GREM2: variants seen among roughly 807,000 people sequenced by gnomAD.
GREM2 encodes gremlin-2.
A neutral mutation model predicts 14.2 loss-of-function variants in GREM2; 11 were observed. The ratio of observed to expected loss-of-function variants is 0.78; its 90% CI spans 0.49 to 1.28. The LOEUF is 1.28. GREM2 is among the 50% of genes most tolerant of loss of function. The pLI is 0.00. For synonymous variants in GREM2, 98 were observed against 97.6 expected (o/e 1.00, Z -0.02); for missense variants, 210 against 218.5 (o/e 0.96, Z 0.24).
rs1474783174 is a variant in GREM2 at position 240,542,584 on chromosome 1, C to T, written c.-1-49108G>A. ...GAGCCAAGATTGTGCCCCTGCACTC[C>T]AGCCTAGTGACAGAGCGAGACTCCA... is the stretch of plus-strand genomic sequence containing the variant. On this transcript the variant is annotated intron_variant, in intron 1 of 1. Transcript: ENST00000318160. This position sits in a 1 kb window ranked among gnomAD's most constrained non-coding sequence, Gnocchi z 4.1. Among the ~76,000 whole-genome samples, 2 of 151,868 alleles carry T rather than the reference C, an allele frequency of 1.3e-5. No individual in the cohort carries two copies. Among genetic ancestry groups the T allele is most frequent in the East Asian group, 1.9e-4 (1 of 5,176 alleles).
chr1:240,516,753 C>A (rs1677965054), intron 1 of GREM2, among the ~76,000 whole-genome samples: 1 of 152,010 alleles, frequency 6.6e-6, no homozygotes, highest in Non-Finnish European at 1.5e-5. Context: ...TTTTAGAGAC[C>A]TAGAAAATTG....
At chr1:240,516,303 G>C (rs1283432211) in intron 1 of GREM2, among the ~76,000 whole-genome samples, 1 of 152,064 alleles carries the variant, frequency 6.6e-6, no homozygotes, top group Non-Finnish European at 1.5e-5. Context: ...AGCGCAAAAT[G>C]ATCTTAGGTC....
At chr1:240,575,191 A>G (rs1679337983) in intron 1 of GREM2, among the ~76,000 whole-genome samples, 1 of 152,102 alleles carries the variant, frequency 6.6e-6, no homozygotes, top group Non-Finnish European at 1.5e-5. Flanking sequence ...CTGTTCCTTG[A>G]TGTGCCTCCT....
At chr1:240,505,480 T>C (rs1440155148) in intron 1 of GREM2, among the ~76,000 whole-genome samples, 2 of 152,184 alleles carry the variant, frequency 1.3e-5, no homozygotes, top group African/African-American at 4.8e-5. Flanking sequence ...GGGGCATCTA[T>C]TTAAGAGATG....
chr1:240,506,753 A>G (rs1241764561), intron 1 of GREM2, among the ~76,000 whole-genome samples: 1 of 152,222 alleles, frequency 6.6e-6, no homozygotes, highest in African/African-American at 2.4e-5. Context: ...TTTGAGATAC[A>G]AAGAAGAATA....
chr1:240,496,752 G>A (rs1266930278), intron 1 of GREM2, among the ~76,000 whole-genome samples: 3 of 152,298 alleles, frequency 2.0e-5, no homozygotes, highest in African/African-American at 7.2e-5. Context: ...GCTCATGCCT[G>A]TAATCCCAGC....
At chr1:240,589,586 G>T (rs904916000) in intron 1 of GREM2, among the ~76,000 whole-genome samples, 13 of 152,022 alleles carry the variant, frequency 8.6e-5, no homozygotes, top group Admixed American at 6.6e-4. Flanking sequence ...GGTACCTAAG[G>T]GTGCCTTGTT....
At chr1:240,576,672 C>T (rs986307948) in intron 1 of GREM2, among the ~76,000 whole-genome samples, 1 of 152,068 alleles carries the variant, frequency 6.6e-6, no homozygotes, top group African/African-American at 2.4e-5. Flanking sequence ...AAAACTAAAA[C>T]CTTTTAAACT....
intron 1 of GREM2, among the ~76,000 whole-genome samples, chr1:240,581,178 A>G: frequency 6.6e-6 from 1 of 150,844 alleles, no homozygotes; most frequent in South Asian, 2.1e-4. Flanking sequence ...CAAATGGGTG[A>G]GGTGGAGGTT....
chr1:240,545,475 T>C (rs373070703), intron 1 of GREM2, among the ~76,000 whole-genome samples: 1 of 42,368 alleles, frequency 2.4e-5, no homozygotes, highest in African/African-American at 3.4e-4. Flanking sequence ...ATTAGTTGAC[T>C]AATTGTAACT....
chr1:240,591,717 C>T (rs1679720094), intron 1 of GREM2, among the ~76,000 whole-genome samples: 1 of 152,098 alleles, frequency 6.6e-6, no homozygotes, highest in South Asian at 2.1e-4. Flanking sequence ...TAAGTCACGA[C>T]TTGCTGAAAA....
At position 240,493,467 on chromosome 1, in the gene GREM2, C is replaced by T; in HGVS notation, c.9G>A (p.Trp3Ter). Reference sequence around the variant, plus strand: ...CCAGGAACAAGGACAGGGAAAGCTTCCAGAACATCCTGCAAACGAGAAAAG... The same window carrying T: ...CCAGGAACAAGGACAGGGAAAGCTTTCAGAACATCCTGCAAACGAGAAAAG... MF[W>*]KLSLSLFLVA... is the part of the protein sequence containing the mutation. Residue 3 changes from tryptophan (W) to a stop codon, truncating the protein, a stop_gained, in exon 2 of 2, where the codon TGG becomes TGA. Transcript: ENST00000318160. LOFTEE classifies it high-confidence loss of function. 4 of 1,604,032 alleles carry T rather than the reference C, an allele frequency of 2.5e-6. No homozygotes were observed. Among genetic ancestry groups the T allele is most frequent in the Non-Finnish European group, 3.4e-6 (4 of 1,174,524 alleles).
chr1:240,564,955 C>T (rs139612123), intron 1 of GREM2, among the ~76,000 whole-genome samples: 188 of 152,262 alleles, frequency 1.2e-3, no homozygotes, highest in African/African-American at 4.4e-3. Flanking sequence ...AGGACTGGAA[C>T]CCTTTCAGGA....
intron 1 of GREM2, chr1:240,588,381 C>T (rs1019806447): frequency 6.6e-6 from 1 of 152,294 alleles, no homozygotes; most frequent in Non-Finnish European, 1.5e-5. Context: ...TACCCGAACT[C>T]AGACACCTGT....
chr1:240,521,771 G>T (rs1678104675), intron 1 of GREM2, among the ~76,000 whole-genome samples: 1 of 152,028 alleles, frequency 6.6e-6, no homozygotes, highest in African/African-American at 2.4e-5. Context: ...CATACACATT[G>T]GTGGTCACAT....
intron 1 of GREM2, among the ~76,000 whole-genome samples, chr1:240,535,319 G>A (rs1209279469): frequency 6.6e-6 from 1 of 152,154 alleles, no homozygotes; most frequent in African/African-American, 2.4e-5. Flanking sequence ...GTTAGTAAAA[G>A]TGAGTGGAGA....
intron 1 of GREM2, among the ~76,000 whole-genome samples, chr1:240,609,060 T>C (rs1680084647): frequency 6.6e-6 from 1 of 152,226 alleles, no homozygotes; most frequent in Non-Finnish European, 1.5e-5. Flanking sequence ...CAAAAATGTA[T>C]ACTTGAAGCT....
At chr1:240,522,128 A>G (rs887446887) in intron 1 of GREM2, among the ~76,000 whole-genome samples, 6 of 151,568 alleles carry the variant, frequency 4.0e-5, no homozygotes, top group Non-Finnish European at 8.8e-5. Context: ...TCCAAAAAAA[A>G]AAAAAAACAA....
chr1:240,599,519 T>G (rs1292179206), intron 1 of GREM2, among the ~76,000 whole-genome samples: 1 of 152,158 alleles, frequency 6.6e-6, no homozygotes, highest in African/African-American at 2.4e-5. Context: ...CTCATTTCTT[T>G]CCCTGAATCC....
Sources: allele counts gnomAD v4.1 joint callset (sites outside exome capture counted in the v4.1 genomes callset), GRCh38; gene constraint gnomAD v4.1.1; non-coding constraint Gnocchi (gnomAD v3.1); transcripts MANE v1.5; gene names NCBI Gene and HGNC (gene_info 2026-07-23, HGNC 2026-07-21).